C16orf92: variants seen among roughly 807,000 people sequenced by gnomAD.
C16orf92 encodes fertilization-influencing membrane protein.
In C16orf92, 14 loss-of-function variants were observed where a neutral mutation model predicts 13.7. The observed-to-expected ratio is 1.02, with a 90% CI of 0.67 to 1.60. C16orf92 has a LOEUF of 1.60. Among genes scored for constraint, C16orf92 ranks in the 40% most tolerant of loss-of-function variants. The probability of loss-of-function intolerance (pLI) is 0.00; values close to 1 mark genes in which losing one functional copy is unlikely to be tolerated. For missense variants in C16orf92, 116 were observed against 139.0 expected (o/e 0.83, Z 0.83); for synonymous variants, 50 against 57.4 (o/e 0.87, Z 0.58).
Position 30,024,314 on chromosome 16 carries a change from C to T in C16orf92, c.*87C>T. On this transcript the variant is annotated 3_prime_UTR_variant, in exon 4 of 4. Transcript: ENST00000681219. The stretch of plus-strand genomic sequence containing the variant: ...TGAGCAAAAGTTCCCTGCTTTCCTC[C>T]TCCCTGACTGCCCAGCGAGCAGCTG... 1 of 1,509,286 alleles carries T rather than the reference C, an allele frequency of 6.6e-7. No homozygotes were observed. The allele number at this position is 1,509,286 out of a possible 1,614,324, so 93.5% of individuals were successfully genotyped here. A position where few individuals can be genotyped will look rare whatever the true frequency, so the allele number is the denominator to read the frequency against.
chr16:30,027,016 A>G, downstream of C16orf92: 1 of 696,662 alleles, frequency 1.4e-6, no homozygotes, highest in Non-Finnish European at 2.6e-6. Context: ...ACAGTCATGC[A>G]GCTAGTAAGA....
downstream of C16orf92, chr16:30,026,579 A>ACCC: frequency 2.5e-6 from 4 of 1,585,768 alleles, no homozygotes; most frequent in Non-Finnish European, 3.5e-6. Flanking sequence ...GGCCACCCGC[A>ACCC]CCCCGCCCGC....
Position 30,024,304 on chromosome 16 carries a change from TG to T in C16orf92, c.*78del, listed in dbSNP as rs902762580. The T allele has an allele frequency of 6.5e-7, 1 of 1,538,306 alleles. No homozygotes were observed. The highest frequency in any genetic ancestry group is 1.7e-5 in the Admixed American group (1 of 58,124). On this transcript the variant is annotated 3_prime_UTR_variant, in exon 4 of 4. Transcript: ENST00000681219. ...CTCCTGTTGATGAGCAAAAGTTCCC[TG>T]CTTTCCTCCTCCCTGACTGCCCAGC... is the stretch of plus-strand genomic sequence containing the variant.
chr16:30,025,828 A>C, downstream of C16orf92: 2 of 1,612,316 alleles, frequency 1.2e-6, no homozygotes, highest in East Asian at 2.2e-5. The surrounding 1 kb of genome is among the most constrained non-coding windows in gnomAD (Gnocchi z 4.1). Flanking sequence ...ACACCTGGGC[A>C]CAGAGGCAGG....
chr16:30,027,358 A>T (rs1268728739), downstream of C16orf92, among the ~76,000 whole-genome samples: 6 of 152,204 alleles, frequency 3.9e-5, no homozygotes, highest in Admixed American at 3.9e-4. Context: ...ACCCTGTAAA[A>T]GGTAGGTGTG....
At chr16:30,023,516 C>T (rs928341502) in intron 1 of C16orf92, 112 bp downstream of exon 1, 2 of 1,381,562 alleles carry the variant, frequency 1.4e-6, no homozygotes, top group African/African-American at 1.4e-5. Flanking sequence ...TTTCTCTCCA[C>T]TCTTCTCTCC....
At chr16:30,025,195 C>T, downstream of C16orf92, 3 of 1,475,244 alleles carry the variant, frequency 2.0e-6, no homozygotes, top group East Asian at 2.5e-5. The surrounding 1 kb of genome is among the most constrained non-coding windows in gnomAD (Gnocchi z 4.1). Flanking sequence ...AGTCCTGGGC[C>T]TGGCAGGCCG....
intron 2 of C16orf92, 26 bp from the exon 3 acceptor site, chr16:30,023,973 A>C: frequency 6.3e-7 from 1 of 1,598,838 alleles, no homozygotes; most frequent in Non-Finnish European, 8.6e-7. Context: ...ATCAGAGGGG[A>C]GTTAAGGGTC....
rs976637942 is a variant in C16orf92 at position 30,024,431 on chromosome 16, G to A, written c.*204G>A. ...ACTTGGTGGCAAGGGCCTTGGTGGC[G>A]TTCACGCAGATCGTCTTTTATTAGC... On this transcript the variant is annotated 3_prime_UTR_variant, in exon 4 of 4. Coordinates refer to ENST00000681219, the MANE Select transcript of C16orf92 (RefSeq NM_001109659.2). The A allele has an allele frequency of 1.1e-5, 8 of 697,758 alleles. No individual in the cohort carries two copies. Among genetic ancestry groups the A allele is most frequent in the South Asian group, 9.9e-5 (5 of 50,750 alleles). The allele number at this position is 697,758 out of a possible 1,614,324, so 43.2% of individuals were successfully genotyped here.
At chr16:30,025,217 G>A (rs2071059376), downstream of C16orf92, 8 of 1,503,908 alleles carry the variant, frequency 5.3e-6, no homozygotes, top group Non-Finnish European at 7.1e-6. This position sits in a 1 kb window ranked among gnomAD's most constrained non-coding sequence, Gnocchi z 4.1. Context: ...GGGCGGCCGG[G>A]AGCGGGGCCA....
chr16:30,025,235 C>T (rs1370924466), downstream of C16orf92: 14 of 1,523,892 alleles, frequency 9.2e-6, no homozygotes, highest in East Asian at 1.5e-4. The surrounding 1 kb of genome is among the most constrained non-coding windows in gnomAD (Gnocchi z 4.1). Flanking sequence ...CCAGAAGAGG[C>T]GGCAGGCCCC....
downstream of C16orf92, chr16:30,025,469 TGAG>T (rs1480022366): frequency 6.8e-6 from 11 of 1,611,584 alleles, no homozygotes; most frequent in Non-Finnish European, 9.3e-6. This position sits in a 1 kb window ranked among gnomAD's most constrained non-coding sequence, Gnocchi z 4.1. Context: ...CTGCTTGTAC[TGAG>T]GAGACACAGA....
downstream of C16orf92, chr16:30,025,363 G>A (rs548429317): frequency 2.9e-5 from 47 of 1,601,958 alleles, no homozygotes; most frequent in East Asian, 6.8e-5. The surrounding 1 kb of genome is among the most constrained non-coding windows in gnomAD (Gnocchi z 4.1). Flanking sequence ...CATGGCGCCC[G>A]TAGGCCCAGT....
Position 30,023,999 on chromosome 16 carries a change from G to T in C16orf92, c.224G>T (p.Gly75Val), listed in dbSNP as rs2070969825. The change falls in exon 3 of 4, where the codon GGT becomes GTT. Residue 75 changes from glycine (G) to valine (V), a missense_variant and splice_region_variant. Gly to Val is a moderately radical substitution (Grantham distance 109). Coordinates refer to ENST00000681219, the MANE Select transcript of C16orf92 (RefSeq NM_001109659.2). ...GTTAAGGGTCCTGTTTGTCTAGCAG[G>T]TTCCAGCCCCGGGCTCTTCCATCAC... ...GEKPIVFINS[G>V]SSPGLFHHIL... 6.2e-7 allele frequency: 1 copy of T among 1,613,062 alleles called. No individual in the cohort carries two copies. The highest frequency in any genetic ancestry group is 8.5e-7 in the Non-Finnish European group (1 of 1,179,014).
At chr16:30,027,124 A>G, downstream of C16orf92, 1 of 546,212 alleles carries the variant, frequency 1.8e-6, no homozygotes, top group Non-Finnish European at 3.5e-6. Context: ...GAAGATGCCC[A>G]CAGACCAAAA....
chr16:30,025,493 A>ACGGCAGCAGAAGGGCT, downstream of C16orf92: 1 of 1,609,512 alleles, frequency 6.2e-7, no homozygotes, highest in Non-Finnish European at 8.5e-7. This position sits in a 1 kb window ranked among gnomAD's most constrained non-coding sequence, Gnocchi z 4.1. Context: ...CACAGTGGCC[A>ACGGCAGCAGAAGGGCT]CGGCAGCAGA....
At chr16:30,025,183 T>G, downstream of C16orf92, 1 of 1,450,286 alleles carries the variant, frequency 6.9e-7, no homozygotes, top group Non-Finnish European at 9.0e-7. This position sits in a 1 kb window ranked among gnomAD's most constrained non-coding sequence, Gnocchi z 4.1. Context: ...GCCCCCGGCC[T>G]CAGTCCTGGG....
At chr16:30,024,810 C>G (rs1318257806), downstream of C16orf92, 1 of 228,864 alleles carries the variant, frequency 4.4e-6, no homozygotes, top group Non-Finnish European at 8.4e-6. Flanking sequence ...TGATGGGGAG[C>G]CCTGGGGGAT....
rs1379133559 is a variant in C16orf92 at position 30,024,558 on chromosome 16, C to T, written c.*331C>T. On this transcript the variant is annotated 3_prime_UTR_variant, in exon 4 of 4. Coordinates refer to ENST00000681219, the MANE Select transcript of C16orf92 (RefSeq NM_001109659.2). ...TGGCAGGGCCCGAGGGCGCGATGTG[C>T]AGCCGATGGTGAGGGACTGGGCGCC... is the stretch of plus-strand genomic sequence containing the variant. 5.1e-6 allele frequency: 2 copies of T among 391,740 alleles called. No homozygotes were observed. Among genetic ancestry groups the T allele is most frequent in the Non-Finnish European group, 4.6e-6 (1 of 217,332 alleles). 24.3% of individuals were successfully genotyped at this position (391,740 alleles called of 1,614,324 possible).
Sources: allele counts gnomAD v4.1 joint callset (sites outside exome capture counted in the v4.1 genomes callset), GRCh38; gene constraint gnomAD v4.1.1; non-coding constraint Gnocchi (gnomAD v3.1); transcripts MANE v1.5; gene names NCBI Gene and HGNC (gene_info 2026-07-23, HGNC 2026-07-21).